SLK: variants seen among roughly 807,000 people sequenced by gnomAD.
The protein encoded by SLK is STE20-like serine/threonine-protein kinase.
A neutral mutation model predicts 147.7 loss-of-function variants in SLK; 67 were observed. The ratio of observed to expected loss-of-function variants is 0.45; its 90% confidence interval spans 0.37 to 0.56. The LOEUF is 0.56. Ranked by LOEUF, SLK falls within the 20% of genes least tolerant of loss-of-function variation. The probability of loss-of-function intolerance (pLI) is 0.00; values close to 1 mark genes in which losing one functional copy is unlikely to be tolerated. For synonymous variants in SLK, 441 were observed against 475.0 expected (o/e 0.93, Z 0.93); for missense variants, 1,136 against 1,438.8 (o/e 0.79, Z 3.41).
Position 103,999,922 on chromosome 10 carries a change from A to G in SLK, c.838A>G (p.Arg280Gly). 1 of 1,559,062 alleles carries G rather than the reference A, an allele frequency of 6.4e-7. No individual in the cohort carries two copies. Among genetic ancestry groups the G allele is most frequent in the Non-Finnish European group, 8.8e-7 (1 of 1,138,772 alleles). The change falls in exon 7 of 19, where the codon AGG becomes GGG. Residue 280 changes from arginine (R) to glycine (G), a missense_variant. Around this residue, in one of 6 missense-constraint regions of SLK, gnomAD observed 141 missense variants for 219.3 expected, o/e 0.64. Coordinates refer to ENST00000369755, the MANE Select transcript of SLK (RefSeq NM_014720.4). ...ATGCTTAGAAAAGAATGTGGATGCCAGGTGGACTACATCTCAGCTGCTGCA... is the reference window on the plus strand; with the variant it reads ...ATGCTTAGAAAAGAATGTGGATGCCGGGTGGACTACATCTCAGCTGCTGCA... ...KKCLEKNVDA[R>G]WTTSQLLQHP...
At chr10:103,970,950 ACAT>A (rs1843784262) in intron 1 of SLK, among the ~76,000 whole-genome samples, 2 of 152,186 alleles carry the variant, frequency 1.3e-5, no homozygotes, top group South Asian at 4.1e-4. Flanking sequence ...TTTCCTTTGA[ACAT>A]CATGTCATGT....
intron 4 of SLK, 115 bp downstream of exon 4, chr10:103,993,248 A>C: frequency 1.5e-6 from 1 of 647,930 alleles, no homozygotes; most frequent in African/African-American, 1.9e-5. Context: ...TGGAGAACTA[A>C]CTCCATGCTG....
At chr10:103,981,261 A>G (rs1386127138) in intron 1 of SLK, among the ~76,000 whole-genome samples, 2 of 152,064 alleles carry the variant, frequency 1.3e-5, no homozygotes, top group African/African-American at 2.4e-5. Flanking sequence ...CTCATCAGAT[A>G]CATGATTTGT....
At position 103,967,567 on chromosome 10, in the gene SLK, G is replaced by A. The variant is rs868412800; in HGVS notation, c.-179G>A. 1.1e-5 allele frequency: 2 copies of A among 175,160 alleles called. No individual in the cohort carries two copies. The highest frequency in any genetic ancestry group is 6.7e-5 in the Admixed American group (1 of 15,018). 10.9% of individuals were successfully genotyped at this position (175,160 alleles called of 1,614,324 possible). Reference sequence around the variant, plus strand: ...CGCTCGCGCAGCACCCCCACCGCGGGCCGGAGCCCGGGTCGCCGCCCCGCC... The same window carrying A: ...CGCTCGCGCAGCACCCCCACCGCGGACCGGAGCCCGGGTCGCCGCCCCGCC... On this transcript the variant is annotated 5_prime_UTR_variant, in exon 1 of 19. Coordinates refer to ENST00000369755, the MANE Select transcript of SLK (RefSeq NM_014720.4).
chr10:103,985,205 A>T (rs1843997056), intron 1 of SLK, among the ~76,000 whole-genome samples: 1 of 152,210 alleles, frequency 6.6e-6, no homozygotes. Context: ...AAAACATAGT[A>T]TACATAGGGT....
At chr10:103,968,037 C>T in intron 1 of SLK, 142 bp downstream of exon 1, 1 of 853,062 alleles carries the variant, frequency 1.2e-6, no homozygotes, top group Non-Finnish European at 1.8e-6. Context: ...CTTGGCTGAT[C>T]ATCCAAGGAG....
intron 18 of SLK, among the ~76,000 whole-genome samples, chr10:104,023,215 C>A (rs982168241): frequency 5.3e-5 from 8 of 152,138 alleles, no homozygotes; most frequent in Non-Finnish European, 1.2e-4. Flanking sequence ...GTTCTTTATC[C>A]CCTTTTGTCT....
At chr10:104,000,031 A>G in intron 7 of SLK, 83 bp downstream of exon 7, 1 of 630,316 alleles carries the variant, frequency 1.6e-6, no homozygotes. Flanking sequence ...CTTTCTTTCC[A>G]CTTAAATTTC....
intron 1 of SLK, among the ~76,000 whole-genome samples, chr10:103,987,585 T>A (rs1454989611): frequency 6.6e-6 from 1 of 152,234 alleles, no homozygotes; most frequent in Non-Finnish European, 1.5e-5. Context: ...AAACATTTAT[T>A]AACTTTAAAA....
At chr10:104,018,458 T>C (rs2134529114) in intron 14 of SLK, among the ~76,000 whole-genome samples, 169 bp downstream of exon 14, 1 of 152,342 alleles carries the variant, frequency 6.6e-6, no homozygotes, top group Admixed American at 6.5e-5. Context: ...GTATACCTAA[T>C]GGTCGTGTGT....
At chr10:103,982,108 C>T (rs1453520959) in intron 1 of SLK, among the ~76,000 whole-genome samples, 1 of 152,102 alleles carries the variant, frequency 6.6e-6, no homozygotes, top group Admixed American at 6.5e-5. Context: ...GTTTTCCTTA[C>T]TATTTAAAAG....
At chr10:103,995,927 C>A (rs962720367) in intron 4 of SLK, among the ~76,000 whole-genome samples, 1 of 152,194 alleles carries the variant, frequency 6.6e-6, no homozygotes, top group Non-Finnish European at 1.5e-5. Flanking sequence ...AATCTAACCT[C>A]TGTAATAAAT....
chr10:103,997,035 A>C lies in SLK; in HGVS notation c.515-1864A>C, dbSNP rs975922964. Among the ~76,000 whole-genome samples the C allele has an allele frequency of 2.0e-5, 3 of 152,166 alleles. No individual in the cohort carries two copies. In the South Asian group the frequency reaches 6.2e-4, roughly 32 times the overall value. ...ATCACCTATCTCCATACCTCTTTTC[A>C]TCTTGCAGCAGTTAAAGTCTATACC... On this transcript the variant is annotated intron_variant, in intron 4 of 18. Coordinates refer to ENST00000369755, the MANE Select transcript of SLK (RefSeq NM_014720.4).
intron 1 of SLK, among the ~76,000 whole-genome samples, chr10:103,986,637 T>A (rs988240150): frequency 2.6e-5 from 4 of 152,002 alleles, no homozygotes; most frequent in African/African-American, 9.7e-5. Flanking sequence ...AACCCCGGGT[T>A]TAGTTATTTC....
intron 2 of SLK, among the ~76,000 whole-genome samples, chr10:103,992,139 C>CTTTTTTTTTTTTT (rs1589532495): frequency 2.2e-4 from 4 of 18,204 alleles, no homozygotes; most frequent in South Asian, 1.8e-3. Flanking sequence ...GGTATTTCTT[C>CTTTTTTTTTTTTT]TGTTTTTTTT....
intron 1 of SLK, 99 bp from the exon 2 acceptor site, chr10:103,990,576 T>A: frequency 1.5e-6 from 1 of 647,634 alleles, no homozygotes; most frequent in Non-Finnish European, 2.4e-6. Flanking sequence ...AACGTAAATA[T>A]GAATTAAATA....
At chr10:104,016,763 T>C (rs1354167654) in intron 13 of SLK, among the ~76,000 whole-genome samples, 1 of 148,294 alleles carries the variant, frequency 6.7e-6, no homozygotes, top group East Asian at 2.0e-4. Flanking sequence ...AGGAGTGGAG[T>C]GAGACTCTCT....
intron 4 of SLK, among the ~76,000 whole-genome samples, chr10:103,997,939 T>A (rs1273291807): frequency 6.6e-6 from 1 of 152,148 alleles, no homozygotes; most frequent in East Asian, 1.9e-4. Context: ...ATACTGAAGG[T>A]TTAGGAATTG....
In SLK at chr10:103,967,889, G is replaced by A; in HGVS notation, c.144G>A (p.Val48=). Residue 48 remains valine, a synonymous_variant, in exon 1 of 19, where the codon GTG becomes GTA. Coordinates refer to ENST00000369755, the MANE Select transcript of SLK (RefSeq NM_014720.4). ...GELGDGAFGK[V]YKAQNKETSV... ...TGGGCGACGGAGCCTTTGGGAAAGT[G>A]TACAAGGTAAGAGGGGGAAAACGGG... 1 of 1,577,682 alleles carries A rather than the reference G, an allele frequency of 6.3e-7. No homozygotes were observed. The highest frequency in any genetic ancestry group is 8.6e-7 in the Non-Finnish European group (1 of 1,160,062).
Sources: gnomAD v4.1 joint callset for allele counts (sites outside exome capture counted in the v4.1 genomes callset) on GRCh38, gnomAD v4.1.1 for gene constraint, gnomAD v4.1.1 regional missense constraint, MANE v1.5 for transcripts, NCBI Gene and HGNC (gene_info 2026-07-23, HGNC 2026-07-21) for gene names.